Variants in SLCO3A1 observed in about 807,000 individuals in gnomAD.
SLCO3A1 encodes PGE1 transporter.
In SLCO3A1, 27 loss-of-function variants were observed where a neutral mutation model predicts 63.1. The ratio of observed to expected loss-of-function variants is 0.43; its 90% confidence interval spans 0.32 to 0.59. The LOEUF (loss-of-function observed/expected upper bound fraction) is 0.59. SLCO3A1 is among the 20% of genes least tolerant of loss of function. SLCO3A1 has a pLI of 0.09. For synonymous variants in SLCO3A1, 473 were observed against 409.9 expected (o/e 1.15, Z -1.86); for missense variants, 773 against 945.8 (o/e 0.82, Z 2.40).
intron 2 of SLCO3A1, among the ~76,000 whole-genome samples, chr15:91,940,483 A>G (rs1899581560): frequency 6.6e-6 from 1 of 152,206 alleles, no homozygotes; most frequent in Admixed American, 6.5e-5. Context: ...TCACAGTGCC[A>G]AGGGGCCTTT....
At chr15:92,140,796 T>G (rs1440664113) in intron 7 of SLCO3A1, among the ~76,000 whole-genome samples, 3 of 152,210 alleles carry the variant, frequency 2.0e-5, no homozygotes, top group Non-Finnish European at 1.5e-5. Flanking sequence ...AGACTAAGAT[T>G]GCAACCTCTG....
chr15:91,959,723 C>CAAAAAAAAA, intron 2 of SLCO3A1, among the ~76,000 whole-genome samples: 1 of 71,984 alleles, frequency 1.4e-5, no homozygotes, highest in African/African-American at 5.4e-5. Flanking sequence ...GACTCCATCT[C>CAAAAAAAAA]AAAAAAAAAA....
chr15:91,869,264 G>A (rs1319956758), intron 1 of SLCO3A1, among the ~76,000 whole-genome samples: 1 of 152,092 alleles, frequency 6.6e-6, no homozygotes, highest in Non-Finnish European at 1.5e-5. Context: ...AGCTGAGCAT[G>A]GTGGCTTATG....
intron 7 of SLCO3A1, among the ~76,000 whole-genome samples, chr15:92,142,733 C>T (rs1277415273): frequency 6.6e-6 from 1 of 152,140 alleles, no homozygotes; most frequent in Non-Finnish European, 1.5e-5. Context: ...TGGGGCTGTG[C>T]AGGCACCGTG....
At chr15:91,947,391 G>T (rs1024705975) in intron 2 of SLCO3A1, among the ~76,000 whole-genome samples, 1 of 152,196 alleles carries the variant, frequency 6.6e-6, no homozygotes, top group Non-Finnish European at 1.5e-5. Context: ...TCTTGGTCTG[G>T]TTGCCGCTGG....
chr15:92,012,082 G>A (rs558412781), intron 2 of SLCO3A1, among the ~76,000 whole-genome samples: 14 of 152,334 alleles, frequency 9.2e-5, no homozygotes, highest in East Asian at 1.9e-4. Context: ...GACAGAAGGC[G>A]GAGCCCTGCA....
In SLCO3A1 at chr15:91,912,897, C is replaced by T. The variant is rs183311169; in HGVS notation, c.181-3096C>T. Among the ~76,000 whole-genome samples, 157 of 152,334 alleles carry T rather than the reference C, an allele frequency of 1.0e-3. No individual in the cohort carries two copies. Among genetic ancestry groups the T allele is most frequent in the Non-Finnish European group, 1.8e-3 (122 of 68,022 alleles). ...GGGCGAGGCTCCCCAAAGCCCCCTA[C>T]CTCCCAGGTCTTTAGGCTGCCTTCC... On this transcript the variant is annotated intron_variant, in intron 1 of 9. Transcript: ENST00000318445. This position sits in a 1 kb window ranked among gnomAD's most constrained non-coding sequence, Gnocchi z 5.0.
At chr15:92,097,487 C>G (rs1385639859) in intron 3 of SLCO3A1, among the ~76,000 whole-genome samples, 1 of 152,168 alleles carries the variant, frequency 6.6e-6, no homozygotes, top group Non-Finnish European at 1.5e-5. Context: ...TCCCATCTTA[C>G]TGTGTTCGGC....
intron 5 of SLCO3A1, among the ~76,000 whole-genome samples, chr15:92,121,052 G>A (rs571792920): frequency 6.7e-6 from 1 of 148,744 alleles, no homozygotes. Flanking sequence ...ACTCCTCCCT[G>A]TGCCCACAAC....
At chr15:91,931,790 C>CACACACACACAT (rs1899240038) in intron 2 of SLCO3A1, among the ~76,000 whole-genome samples, 2 of 150,104 alleles carry the variant, frequency 1.3e-5, no homozygotes, top group African/African-American at 2.5e-5. Context: ...AGTGTGGAAA[C>CACACACACACAT]ACACACACAC....
intron 1 of SLCO3A1, among the ~76,000 whole-genome samples, chr15:91,864,748 A>G (rs897267257): frequency 2.6e-5 from 4 of 152,316 alleles, no homozygotes; most frequent in Non-Finnish European, 5.9e-5. Context: ...AAATCCCCCA[A>G]AAGGAAGCTG....
intron 2 of SLCO3A1, among the ~76,000 whole-genome samples, chr15:91,971,458 CT>C (rs1485017689): frequency 2.7e-5 from 4 of 149,406 alleles, no homozygotes; most frequent in Non-Finnish European, 5.9e-5. Flanking sequence ...AACAAGTATC[CT>C]TTTTGTTGTC....
intron 1 of SLCO3A1, among the ~76,000 whole-genome samples, chr15:91,877,971 T>C (rs1326946119): frequency 1.3e-5 from 2 of 152,016 alleles, no homozygotes; most frequent in African/African-American, 4.8e-5. Flanking sequence ...CTCAGGGCTT[T>C]CCTTAGGTGA....
At position 92,093,016 on chromosome 15, in the gene SLCO3A1, T is replaced by C. The variant is rs549454466; in HGVS notation, c.647-1865T>C. Among the ~76,000 whole-genome samples the C allele has an allele frequency of 1.8e-4, 27 of 152,352 alleles. No individual in the cohort carries two copies. In the East Asian group the frequency reaches 2.3e-3, roughly 13 times the overall value. ...TGCTGAGGGTGGACTCAGCCCTGTT[T>C]CTGTGATATAAAACATTTTCTTCAT... On this transcript the variant is annotated intron_variant, in intron 2 of 9. Transcript: ENST00000318445.
At chr15:91,921,978 G>A (rs1406700223) in intron 2 of SLCO3A1, among the ~76,000 whole-genome samples, 1 of 151,890 alleles carries the variant, frequency 6.6e-6, no homozygotes, top group Admixed American at 6.6e-5. Flanking sequence ...CAAGTGCTCC[G>A]CCTGCCTCGG....
Position 91,878,713 on chromosome 15 carries a change from G to A in SLCO3A1, c.180+24625G>A, listed in dbSNP as rs73547382. The stretch of plus-strand genomic sequence containing the variant: ...AGCCGTCTTTCTCACAACTCAAAGC[G>A]TAGATTTTCATGCCCAGAAAAATTT... On this transcript the variant is annotated intron_variant, in intron 1 of 9. Coordinates refer to ENST00000318445, the MANE Select transcript of SLCO3A1 (RefSeq NM_013272.4). 2.7e-3 allele frequency among the ~76,000 whole-genome samples: 406 copies of A among 152,190 alleles called. 3 individuals are homozygous for A. Among genetic ancestry groups the A allele is most frequent in the African/African-American group, 9.0e-3 (373 of 41,522 alleles).
chr15:92,098,088 T>C (rs1567118404), intron 3 of SLCO3A1: 4 of 152,238 alleles, frequency 2.6e-5, no homozygotes, highest in Admixed American at 2.6e-4. Context: ...AGCCTAAAAT[T>C]TGTGGGGAAG....
chr15:91,906,789 C>T (rs145899605), intron 1 of SLCO3A1, among the ~76,000 whole-genome samples: 377 of 152,250 alleles, frequency 2.5e-3, no homozygotes, highest in Middle Eastern at 6.8e-3. Context: ...TTGAAAGCTC[C>T]GATCCTGAGT....
Position 92,163,188 on chromosome 15 carries a change from T to A in SLCO3A1, c.*53T>A. 7.0e-7 allele frequency: 1 copy of A among 1,420,028 alleles called. No individual in the cohort carries two copies. The highest frequency in any genetic ancestry group is 9.2e-7 in the Non-Finnish European group (1 of 1,090,966). The allele number at this position is 1,420,028 out of a possible 1,614,324, so 88.0% of individuals were successfully genotyped here. A position where few individuals can be genotyped will look rare whatever the true frequency, so the allele number is the denominator to read the frequency against. The stretch of plus-strand genomic sequence containing the variant: ...TAGTAATCCAAGGGTCATTTTTTTC[T>A]TAAAAAAAGAAAAAAAGGTTCCAAA... On this transcript the variant is annotated 3_prime_UTR_variant, in exon 10 of 10. Coordinates refer to ENST00000318445, the MANE Select transcript of SLCO3A1 (RefSeq NM_013272.4).
Sources: gnomAD v4.1 joint callset for allele counts (sites outside exome capture counted in the v4.1 genomes callset) on GRCh38, gnomAD v4.1.1 for gene constraint, Gnocchi (gnomAD v3.1) non-coding constraint, MANE v1.5 for transcripts, NCBI Gene and HGNC (gene_info 2026-07-23, HGNC 2026-07-21) for gene names.